Variants in SCN8A observed in about 807,000 individuals in gnomAD.
SCN8A encodes the protein sodium channel protein type 8 subunit alpha.
Under a neutral mutation model 184.1 loss-of-function variants are expected in SCN8A, and 30 were observed. That is an observed-to-expected ratio of 0.16 (90% CI 0.12 to 0.22). The LOEUF (loss-of-function observed/expected upper bound fraction) is 0.22, where lower values mean the gene tolerates loss of function less well. Among genes scored for constraint, SCN8A ranks in the 10% least tolerant of loss-of-function variants. SCN8A has a pLI of 1.00. For synonymous variants in SCN8A, 852 were observed against 907.0 expected, an observed-to-expected ratio of 0.94 and a Z score of 1.09; for missense variants, 1,057 against 2,498.9, an observed-to-expected ratio of 0.42 and a Z score of 12.30.
At chr12:51,690,667 A>G (rs1941491830) in intron 6 of SCN8A, among the ~76,000 whole-genome samples, 1 of 152,190 alleles carries the variant, frequency 6.6e-6, no homozygotes, top group African/African-American at 2.4e-5. Context: ...TGGCCCAGAA[A>G]TATTTCTTTT....
intron 6 of SCN8A, among the ~76,000 whole-genome samples, chr12:51,698,908 T>G (rs2138734196): frequency 6.6e-6 from 1 of 152,362 alleles, no homozygotes; most frequent in Middle Eastern, 3.4e-3. Context: ...AGTGGTTTTC[T>G]TTCTAACCTG....
chr12:51,679,035 C>T (rs992998067), intron 2 of SCN8A, among the ~76,000 whole-genome samples: 6 of 151,592 alleles, frequency 4.0e-5, no homozygotes, highest in Non-Finnish European at 7.4e-5. Context: ...GAGATCACAC[C>T]GCTGCACTCC....
chr12:51,688,675 G>A (rs966610863), intron 5 of SCN8A: 1 of 874,078 alleles, frequency 1.1e-6, no homozygotes, highest in Non-Finnish European at 1.9e-6. Flanking sequence ...ACCATAGCTT[G>A]TATATAAGAC....
intron 14 of SCN8A, among the ~76,000 whole-genome samples, chr12:51,757,869 T>C (rs1942700776): frequency 6.6e-6 from 1 of 152,226 alleles, no homozygotes; most frequent in Admixed American, 6.5e-5. Flanking sequence ...TAGAGAACCA[T>C]TGTTTTATAG....
intron 5 of SCN8A, among the ~76,000 whole-genome samples, chr12:51,687,498 T>C (rs1299303971): frequency 6.6e-6 from 1 of 152,134 alleles, no homozygotes; most frequent in Non-Finnish European, 1.5e-5. Context: ...TCTCTCGTAT[T>C]TTATTCCTCC....
At chr12:51,686,817 C>G (rs930569637) in intron 4 of SCN8A, among the ~76,000 whole-genome samples, 1 of 152,132 alleles carries the variant, frequency 6.6e-6, no homozygotes, top group African/African-American at 2.4e-5. Flanking sequence ...TTACCTTCTT[C>G]AAAATGATCA....
chr12:51,604,214 A>G (rs1939532735), intron 1 of SCN8A, among the ~76,000 whole-genome samples: 1 of 151,474 alleles, frequency 6.6e-6, no homozygotes, highest in Admixed American at 6.6e-5. Flanking sequence ...TCTGTGATCC[A>G]TTCAAGTTAA....
chr12:51,630,847 C>T (rs141168142), intron 1 of SCN8A, among the ~76,000 whole-genome samples: 43 of 152,228 alleles, frequency 2.8e-4, no homozygotes, highest in Non-Finnish European at 2.9e-4. Flanking sequence ...TCAATGTTCT[C>T]TGAACTGTTT....
intron 5 of SCN8A, among the ~76,000 whole-genome samples, chr12:51,687,707 C>G (rs1941441744): frequency 6.6e-6 from 1 of 152,186 alleles, no homozygotes. Context: ...CACACTGGCA[C>G]TTCCTGAAGA....
rs1217467499 is a variant in SCN8A at position 51,591,282 on chromosome 12, C to G, written c.-132C>G. Reference sequence around the variant, plus strand: ...ACCGCAGTCCCGCCCGCCGCATCCTCGGCGCCTTTGCAGTCCGGCCGCGCC... The same window carrying G: ...ACCGCAGTCCCGCCCGCCGCATCCTGGGCGCCTTTGCAGTCCGGCCGCGCC... On this transcript the variant is annotated 5_prime_UTR_variant, in exon 1 of 27. Coordinates refer to ENST00000627620, the MANE Select transcript of SCN8A (RefSeq NM_001330260.2). 6.5e-6 allele frequency: 1 copy of G among 153,288 alleles called. No homozygotes were observed. The highest frequency in any genetic ancestry group is 2.4e-5 in the African/African-American group (1 of 41,374). 9.5% of individuals were successfully genotyped at this position (153,288 alleles called of 1,614,324 possible).
rs1243628993 is a variant in SCN8A at position 51,810,338 on chromosome 12, T to G, written c.*2909T>G. Reference sequence around the variant, plus strand: ...TCACTCACTCTCTCACCCATCCTGCTCCACACTTCTTTGGTAGTAAATGAC... The same window carrying G: ...TCACTCACTCTCTCACCCATCCTGCGCCACACTTCTTTGGTAGTAAATGAC... On this transcript the variant is annotated 3_prime_UTR_variant, in exon 27 of 27. Coordinates refer to ENST00000627620, the MANE Select transcript of SCN8A (RefSeq NM_001330260.2). 1 of 383,256 alleles carries G rather than the reference T, an allele frequency of 2.6e-6. No homozygotes were observed. Among genetic ancestry groups the G allele is most frequent in the African/African-American group, 2.2e-5 (1 of 46,494 alleles). The allele number at this position is 383,256 out of a possible 1,614,324, so 23.7% of individuals were successfully genotyped here. A position where few individuals can be genotyped will look rare whatever the true frequency, so the allele number is the denominator to read the frequency against.
chr12:51,593,262 G>A (rs1939271438), intron 1 of SCN8A, among the ~76,000 whole-genome samples: 2 of 152,172 alleles, frequency 1.3e-5, no homozygotes, highest in Non-Finnish European at 2.9e-5. Context: ...GGAGAGGGCT[G>A]CAAGCATGTT....
chr12:51,664,897 G>C (rs1941002000), intron 2 of SCN8A, among the ~76,000 whole-genome samples: 1 of 151,856 alleles, frequency 6.6e-6, no homozygotes, highest in Non-Finnish European at 1.5e-5. Flanking sequence ...CCCTACCTCT[G>C]ACAGGCCCCG....
At chr12:51,650,791 C>T (rs770114992) in intron 1 of SCN8A, among the ~76,000 whole-genome samples, 25 of 152,062 alleles carry the variant, frequency 1.6e-4, no homozygotes, top group Non-Finnish European at 2.9e-4. Flanking sequence ...CCTAACCCAG[C>T]GGTGCTAGAG....
intron 26 of SCN8A, among the ~76,000 whole-genome samples, chr12:51,800,718 A>G (rs1938533458): frequency 6.6e-6 from 1 of 152,074 alleles, no homozygotes; most frequent in African/African-American, 2.4e-5. Context: ...ATAAGCCCTT[A>G]CTCTAACTGG....
At chr12:51,660,829 G>A (rs1940911228) in intron 1 of SCN8A, among the ~76,000 whole-genome samples, 1 of 152,340 alleles carries the variant, frequency 6.6e-6, no homozygotes, top group South Asian at 2.1e-4. Context: ...TGCTGTAGGA[G>A]TGTAGAAAGG....
In SCN8A at chr12:51,718,252, C is replaced by T. The variant is rs1180813355; in HGVS notation, c.1636-3294C>T. Among the ~76,000 whole-genome samples the T allele has an allele frequency of 3.9e-5, 6 of 152,250 alleles. No individual in the cohort carries two copies. The East Asian group carries it at 1.2e-3, about 29-fold the overall frequency. ...ATCCCAGGACTTTGGGAGACCAAGG[C>T]AGGAGGATCACTTGAACCCAGGAGT... On this transcript the variant is annotated intron_variant, in intron 11 of 26. Coordinates refer to ENST00000627620, the MANE Select transcript of SCN8A (RefSeq NM_001330260.2).
intron 11 of SCN8A, chr12:51,712,375 G>A (rs2138761991): frequency 1.5e-6 from 1 of 674,600 alleles, no homozygotes. Context: ...AATGCATTTG[G>A]GACGACTGTC....
intron 2 of SCN8A, among the ~76,000 whole-genome samples, chr12:51,664,973 A>G (rs910984372): frequency 2.6e-5 from 4 of 152,178 alleles, no homozygotes; most frequent in Admixed American, 1.3e-4. Context: ...ATAAGTAAGA[A>G]TGTGTGGTGT....
Sources: gnomAD v4.1 joint callset for allele counts (sites outside exome capture counted in the v4.1 genomes callset) on GRCh38, gnomAD v4.1.1 for gene constraint, MANE v1.5 for transcripts, NCBI Gene and HGNC (gene_info 2026-07-23, HGNC 2026-07-21) for gene names.